The following PCDHGB1 variants were observed in gnomAD, a reference collection of about 807,000 sequenced individuals.
PCDHGB1 encodes protocadherin gamma subfamily B, 1, also known as protocadherin gamma-B1.
Under a neutral mutation model 56.6 loss-of-function variants are expected in PCDHGB1, and 34 were observed. The ratio of observed to expected loss-of-function variants is 0.60; its 90% CI spans 0.46 to 0.80. PCDHGB1 has a LOEUF of 0.80. Ranked by LOEUF, PCDHGB1 falls within the 30% of genes least tolerant of loss-of-function variation. The probability of loss-of-function intolerance (pLI) is 0.00; values close to 1 mark genes in which losing one functional copy is unlikely to be tolerated. For synonymous variants in PCDHGB1, 561 were observed against 505.9 expected, an observed-to-expected ratio of 1.11 and a Z score of -1.46; for missense variants, 1,278 against 1,204.6, an observed-to-expected ratio of 1.06 and a Z score of -0.90.
chr5:141,374,029 A>C (rs1460112886), intron 1 of PCDHGB1: 3 of 1,428,780 alleles, frequency 2.1e-6, no homozygotes. Flanking sequence ...AGCAAAAGTG[A>C]TGCAGATCTG....
intron 1 of PCDHGB1, chr5:141,392,909 C>T: frequency 1.2e-6 from 2 of 1,613,876 alleles, no homozygotes; most frequent in Admixed American, 3.3e-5. Flanking sequence ...GACAGATTCG[C>T]TACTCTGTGC....
intron 1 of PCDHGB1, chr5:141,471,300 C>T (rs2099254628): frequency 6.6e-6 from 1 of 152,190 alleles, no homozygotes; most frequent in African/African-American, 2.4e-5. Context: ...ATCCACCCAA[C>T]TCGGCCTCCC....
intron 1 of PCDHGB1, chr5:141,410,735 T>A (rs2095420224): frequency 1.5e-6 from 2 of 1,336,188 alleles, no homozygotes; most frequent in East Asian, 4.7e-5. Context: ...CATAGCTTTT[T>A]ACAATATTTT....
chr5:141,390,130 C>T lies in PCDHGB1; in HGVS notation c.2409+37461C>T. On this transcript the variant is annotated intron_variant, in intron 1 of 3. Coordinates refer to ENST00000523390, the MANE Select transcript of PCDHGB1 (RefSeq NM_018922.3). Reference sequence around the variant, plus strand: ...TACAGCGAGGGGACTTTGCCTTATTCCTACAATCTATGTGTTGCACATACA... The same window carrying T: ...TACAGCGAGGGGACTTTGCCTTATTTCTACAATCTATGTGTTGCACATACA... 6.2e-7 allele frequency: 1 copy of T among 1,614,034 alleles called. No individual in the cohort carries two copies. Among genetic ancestry groups the T allele is most frequent in the Non-Finnish European group, 8.5e-7 (1 of 1,179,898 alleles).
Position 141,351,124 on chromosome 5 carries a change from C to T in PCDHGB1, c.864C>T (p.Phe288=). The T allele has an allele frequency of 6.2e-7, 1 of 1,614,048 alleles. No individual in the cohort carries two copies. Residue 288 remains phenylalanine (F), a synonymous_variant, in exon 1 of 4, where the codon TTC becomes TTT. Transcript: ENST00000523390. The part of the protein sequence containing the change: ...FLNSPISTSL[F]NLNPNTGDIT... ...ATTCCCCAATAAGTACCAGCCTCTT[C>T]AATCTCAATCCAAATACTGGCGACA...
intron 2 of PCDHGB1, among the ~76,000 whole-genome samples, chr5:141,498,004 G>C (rs1385457484): frequency 6.6e-6 from 1 of 152,316 alleles, no homozygotes; most frequent in African/African-American, 2.4e-5. Flanking sequence ...GGAGTTTACA[G>C]TGCACTGAAG....
chr5:141,482,069 G>A (rs892777397), intron 1 of PCDHGB1, among the ~76,000 whole-genome samples: 1 of 138,078 alleles, frequency 7.2e-6, no homozygotes, highest in Non-Finnish European at 1.5e-5. Context: ...TGGGCAACAA[G>A]AACAAAACTC....
chr5:141,356,960 T>C (rs1760409535), intron 1 of PCDHGB1: 2 of 1,614,210 alleles, frequency 1.2e-6, no homozygotes, highest in Non-Finnish European at 8.5e-7. Context: ...TCCGGCTACC[T>C]GGTGACCAAA....
At chr5:141,461,617 C>T (rs1297064745) in intron 1 of PCDHGB1, among the ~76,000 whole-genome samples, 1 of 152,090 alleles carries the variant, frequency 6.6e-6, no homozygotes, top group African/African-American at 2.4e-5. Flanking sequence ...AAAGTATTTT[C>T]TAATACACCT....
Position 141,431,859 on chromosome 5 carries a change from C to T in PCDHGB1, c.2410-62948C>T. ...AACTCTCCCAGAGGGACATTAATTG[C>T]CCTTTTAAATGTAAATGACCAAGAT... On this transcript the variant is annotated intron_variant, in intron 1 of 3. Coordinates refer to ENST00000523390, the MANE Select transcript of PCDHGB1 (RefSeq NM_018922.3). The surrounding 1 kb of genome is among the most constrained non-coding windows in gnomAD (Gnocchi z 4.8). 3.1e-6 allele frequency: 5 copies of T among 1,614,178 alleles called. No homozygotes were observed. The highest frequency in any genetic ancestry group is 4.2e-6 in the Non-Finnish European group (5 of 1,180,008).
chr5:141,366,069 G>C, intron 1 of PCDHGB1: 2 of 1,614,216 alleles, frequency 1.2e-6, no homozygotes, highest in Non-Finnish European at 1.7e-6. Flanking sequence ...CTGGCGCCTC[G>C]CTCCGCAGAA....
intron 1 of PCDHGB1, chr5:141,409,980 C>T (rs2095343394): frequency 6.2e-7 from 1 of 1,613,322 alleles, no homozygotes; most frequent in Non-Finnish European, 8.5e-7. Context: ...AAGGTGGTAG[C>T]GGTGGACGCC....
chr5:141,357,791 A>C, intron 1 of PCDHGB1: 1 of 828,800 alleles, frequency 1.2e-6, no homozygotes, highest in African/African-American at 1.7e-5. Flanking sequence ...AGTATTTACC[A>C]CACAAAAATG....
intron 1 of PCDHGB1, chr5:141,413,943 T>A: frequency 1.2e-6 from 2 of 1,613,420 alleles, no homozygotes; most frequent in Non-Finnish European, 1.7e-6. Context: ...TGAGTGTTCC[T>A]GAGAATTTGC....
intron 1 of PCDHGB1, among the ~76,000 whole-genome samples, chr5:141,438,587 CATACATATATATATATATATATATATAT>C (rs1267620600): frequency 1.4e-5 from 1 of 73,428 alleles, no homozygotes; most frequent in Non-Finnish European, 2.6e-5. Context: ...TACATACATA[CATACATATATATATATATATATATATAT>C]ATATATATAT....
At chr5:141,366,907 A>G (rs2149901228) in intron 1 of PCDHGB1, 2 of 1,144,648 alleles carry the variant, frequency 1.7e-6, no homozygotes, top group South Asian at 3.3e-5. Context: ...TGCTTTCTCC[A>G]TTTGTTTTCA....
At position 141,393,547 on chromosome 5, in the gene PCDHGB1, C is replaced by G. The variant is rs761723933; in HGVS notation, c.2409+40878C>G. 11 of 1,613,820 alleles carry G rather than the reference C, an allele frequency of 6.8e-6. No homozygotes were observed. The African/African-American group carries it at 9.3e-5, about 14-fold the overall frequency. On this transcript the variant is annotated intron_variant, in intron 1 of 3. Transcript: ENST00000523390. ...GACAATGCCCCGGTTTTTCCTCACCCGATTTACCGAGTGAAAGTCCTTGAG... is the reference window on the plus strand; with the variant it reads ...GACAATGCCCCGGTTTTTCCTCACCGGATTTACCGAGTGAAAGTCCTTGAG...
intron 1 of PCDHGB1, chr5:141,428,296 AT>A: frequency 1.4e-6 from 1 of 713,574 alleles, no homozygotes; most frequent in Non-Finnish European, 2.5e-6. Flanking sequence ...AAAGCTGCAG[AT>A]TTACCTGGTC....
chr5:141,441,954 C>T, intron 1 of PCDHGB1: 1 of 319,608 alleles, frequency 3.1e-6, no homozygotes, highest in Non-Finnish European at 6.0e-6. Context: ...TGCAGGCCAG[C>T]AAGCCCAGGC....
Sources: gnomAD v4.1 joint callset for allele counts (sites outside exome capture counted in the v4.1 genomes callset) on GRCh38, gnomAD v4.1.1 for gene constraint, Gnocchi (gnomAD v3.1) non-coding constraint, MANE v1.5 for transcripts, NCBI Gene and HGNC (gene_info 2026-07-23, HGNC 2026-07-21) for gene names.